B3GLCT: variants seen among roughly 807,000 people sequenced by gnomAD.
B3GLCT encodes beta 3-glucosyltransferase.
In B3GLCT, 65 loss-of-function variants were observed where a neutral mutation model predicts 63.4. That is an observed-to-expected ratio of 1.03 (90% CI 0.84 to 1.26). B3GLCT has a LOEUF of 1.26. B3GLCT is among the 50% of genes most tolerant of loss of function. The pLI is 0.00. For missense variants in B3GLCT, 577 were observed against 604.8 expected (o/e 0.95, Z 0.48); for synonymous variants, 233 against 219.2 (o/e 1.06, Z -0.55).
chr13:31,201,632 A>G (rs1868671933), intron 1 of B3GLCT, among the ~76,000 whole-genome samples: 1 of 152,318 alleles, frequency 6.6e-6, no homozygotes, highest in African/African-American at 2.4e-5. Flanking sequence ...GGTAGCTGAA[A>G]TTGGTATTCT....
intron 13 of B3GLCT, among the ~76,000 whole-genome samples, chr13:31,319,083 A>G (rs745496341): frequency 3.3e-5 from 5 of 152,164 alleles, no homozygotes; most frequent in Non-Finnish European, 4.4e-5. Context: ...GAATGCACAG[A>G]TGAAAGCTGC....
chr13:31,227,415 A>C (rs1870155860), intron 3 of B3GLCT, among the ~76,000 whole-genome samples: 1 of 152,236 alleles, frequency 6.6e-6, no homozygotes, highest in African/African-American at 2.4e-5. Context: ...GTGTCAGTTT[A>C]TATTAATGTT....
At chr13:31,221,641 C>T (rs183744885) in intron 2 of B3GLCT, among the ~76,000 whole-genome samples, 2 of 152,306 alleles carry the variant, frequency 1.3e-5, no homozygotes, top group East Asian at 3.9e-4. Context: ...GTAGTCCCTC[C>T]CCTGTGTTTA....
chr13:31,234,617 T>TG (rs915091555), intron 4 of B3GLCT, among the ~76,000 whole-genome samples: 5 of 151,762 alleles, frequency 3.3e-5, no homozygotes, highest in Admixed American at 1.3e-4. Flanking sequence ...GGCCAGCGGA[T>TG]GGGGGGTGGC....
intron 2 of B3GLCT, 44 bp downstream of exon 2, chr13:31,215,144 C>T (rs369296164): frequency 6.5e-7 from 1 of 1,536,048 alleles, no homozygotes; most frequent in Non-Finnish European, 9.0e-7. Flanking sequence ...TTCTAAGATT[C>T]ATTTGTATTT....
At chr13:31,304,433 A>G (rs1202958908) in intron 12 of B3GLCT, among the ~76,000 whole-genome samples, 8 of 65,100 alleles carry the variant, frequency 1.2e-4, no homozygotes, top group South Asian at 6.8e-4. Context: ...CAGGAAACCT[A>G]TCTCACGTGC....
intron 12 of B3GLCT, chr13:31,312,921 T>C (rs934068374): frequency 6.6e-6 from 1 of 152,202 alleles, no homozygotes; most frequent in Non-Finnish European, 1.5e-5. Context: ...CTAGAGTCAC[T>C]TTGTGTGCCG....
At chr13:31,325,535 C>CA (rs1593323978) in intron 14 of B3GLCT, among the ~76,000 whole-genome samples, 1 of 152,054 alleles carries the variant, frequency 6.6e-6, no homozygotes, top group Non-Finnish European at 1.5e-5. Context: ...CATCTATAGG[C>CA]AAAAGTCCTT....
rs1436924932 is a variant in B3GLCT at position 31,276,763 on chromosome 13, G to A, written c.842G>A (p.Gly281Asp). Residue 281 changes from glycine to aspartate, a missense_variant, in exon 10 of 15, where the codon GGT (glycine) becomes GAT (aspartate). By Grantham distance (94) the Gly-to-Asp change is moderately conservative. Coordinates refer to ENST00000343307, the MANE Select transcript of B3GLCT (RefSeq NM_194318.4). The part of the protein sequence containing the change: ...VAVKTCKKFH[G>D]DRIPIVKQTW... ...GTAAAAACATGCAAGAAATTTCATG[G>A]TGACAGAAGTATGTTTTGGGTTATT... 2 of 1,610,730 alleles carry A rather than the reference G, an allele frequency of 1.2e-6. No homozygotes were observed. Among genetic ancestry groups the A allele is most frequent in the Admixed American group, 3.3e-5 (2 of 60,002 alleles).
intron 1 of B3GLCT, among the ~76,000 whole-genome samples, chr13:31,206,743 CA>C (rs1176316272): frequency 6.7e-6 from 1 of 149,696 alleles, no homozygotes; most frequent in Non-Finnish European, 1.5e-5. Flanking sequence ...TCTCAGAAAA[CA>C]AAAAAAAACA....
intron 7 of B3GLCT, among the ~76,000 whole-genome samples, chr13:31,263,313 CTATT>C (rs1872133632): frequency 6.6e-6 from 1 of 152,170 alleles, no homozygotes; most frequent in South Asian, 2.1e-4. Context: ...TTAGAAGTAA[CTATT>C]TATTCTTGCT....
intron 5 of B3GLCT, 129 bp downstream of exon 5, chr13:31,247,228 T>C: frequency 1.3e-6 from 1 of 745,060 alleles, no homozygotes; most frequent in Middle Eastern, 2.4e-4. Flanking sequence ...GTTTTACTTT[T>C]TATGATTACT....
intron 14 of B3GLCT, among the ~76,000 whole-genome samples, chr13:31,327,373 G>A (rs1875685080): frequency 6.6e-6 from 1 of 152,172 alleles, no homozygotes; most frequent in Non-Finnish European, 1.5e-5. Flanking sequence ...AGTGTAGACA[G>A]CATGAAGATG....
At chr13:31,234,745 T>C (rs896102282) in intron 4 of B3GLCT, among the ~76,000 whole-genome samples, 2 of 152,110 alleles carry the variant, frequency 1.3e-5, no homozygotes, top group Non-Finnish European at 2.9e-5. Flanking sequence ...TATTCTGAGG[T>C]GTATCTCTTT....
At chr13:31,219,202 A>G (rs1869702422) in intron 2 of B3GLCT, among the ~76,000 whole-genome samples, 2 of 152,196 alleles carry the variant, frequency 1.3e-5, no homozygotes, top group Middle Eastern at 3.2e-3. Context: ...CTTCAACAAA[A>G]ACGCTAGCAA....
intron 14 of B3GLCT, among the ~76,000 whole-genome samples, chr13:31,325,761 A>C (rs1327486943): frequency 1.3e-5 from 2 of 152,264 alleles, no homozygotes; most frequent in African/African-American, 4.8e-5. Context: ...GTGTTTAAAC[A>C]CTGATCCAAA....
chr13:31,291,709 A>G (rs1207284142), intron 12 of B3GLCT, among the ~76,000 whole-genome samples: 1 of 152,078 alleles, frequency 6.6e-6, no homozygotes, highest in African/African-American at 2.4e-5. Context: ...GCTTAAGGAG[A>G]TTTTGGGCTG....
chr13:31,256,190 A>C (rs527492603), intron 6 of B3GLCT, among the ~76,000 whole-genome samples: 13 of 152,380 alleles, frequency 8.5e-5, no homozygotes, highest in African/African-American at 2.6e-4. Context: ...AAAGTTCATC[A>C]TCACTGGTTA....
chr13:31,202,924 T>C (rs1868757428), intron 1 of B3GLCT, among the ~76,000 whole-genome samples: 1 of 152,242 alleles, frequency 6.6e-6, no homozygotes, highest in Non-Finnish European at 1.5e-5. Context: ...CTGCATTTCC[T>C]GTTTGCAGAC....
Sources: allele counts gnomAD v4.1 joint callset (sites outside exome capture counted in the v4.1 genomes callset), GRCh38; gene constraint gnomAD v4.1.1; transcripts MANE v1.5; gene names NCBI Gene and HGNC (gene_info 2026-07-23, HGNC 2026-07-21).